The following GRB10 variants were observed in gnomAD, a reference collection of about 807,000 sequenced individuals.
The protein encoded by GRB10 is growth factor receptor-bound protein 10.
In GRB10, 20 loss-of-function variants were observed where a neutral mutation model predicts 80.9. The observed-to-expected ratio is 0.25, with a 90% CI of 0.17 to 0.36. The LOEUF (loss-of-function observed/expected upper bound fraction) is 0.36. Ranked by LOEUF, GRB10 falls within the 10% of genes least tolerant of loss-of-function variation. The probability of loss-of-function intolerance (pLI) is 1.00; values close to 1 mark genes in which losing one functional copy is unlikely to be tolerated. For synonymous variants in GRB10, 291 were observed against 291.5 expected (o/e 1.00, Z 0.02); for missense variants, 548 against 747.7 (o/e 0.73, Z 3.12).
rs955998315 is a variant in GRB10, at chr7:50,781,479, T to G, written c.-326-743A>C. ...AGACTCCAGGCAGCACCCGAGGCCC[T>G]GGCCGCCAGCACGTCATAATCCCTG... On this transcript the variant is annotated intron_variant, in intron 1 of 18. Transcript: ENST00000401949. 7.9e-5 allele frequency: 12 copies of G among 152,294 alleles called. No individual in the cohort carries two copies. The East Asian group carries it at 2.3e-3, about 29-fold the overall frequency. 9.4% of individuals were successfully genotyped at this position (152,294 alleles called of 1,614,324 possible).
Position 50,626,884 on chromosome 7 carries a change from T to C in GRB10, c.599A>G (p.Lys200Arg), listed in dbSNP as rs200039264. The C allele has an allele frequency of 1.4e-4, 218 of 1,614,174 alleles. No homozygotes were observed. In the African/African-American group the frequency reaches 2.5e-3, roughly 18 times the overall value. The change falls in exon 8 of 19, where the codon AAA (lysine) becomes AGA (arginine). Residue 200 changes from lysine to arginine, a missense_variant. Physicochemically the swap from Lys to Arg is conservative, Grantham distance 26. Transcript: ENST00000401949. The stretch of plus-strand genomic sequence containing the variant: ...GCTGTTGTCATCCACACAGTGACTT[T>C]TGTAAACCAGCAATTGGCACAGGTC... ...ARDLCQLLVY[K>R]SHCVDDNSWT... is the part of the protein sequence containing the mutation.
At chr7:50,670,381 C>T (rs1454186452) in intron 6 of GRB10, among the ~76,000 whole-genome samples, 1 of 151,892 alleles carries the variant, frequency 6.6e-6, no homozygotes, top group African/African-American at 2.4e-5. Context: ...TTAATACTAC[C>T]GAACTGTACC....
At chr7:50,745,385 C>G (rs1452380405) in intron 3 of GRB10, among the ~76,000 whole-genome samples, 1 of 152,176 alleles carries the variant, frequency 6.6e-6, no homozygotes, top group Non-Finnish European at 1.5e-5. Context: ...TTACCGAATG[C>G]CTTTGGGTGT....
At chr7:50,605,052 C>T (rs2048288845) in intron 15 of GRB10, 1 of 563,572 alleles carries the variant, frequency 1.8e-6, no homozygotes, top group South Asian at 2.1e-5. Context: ...GAACTCTGTT[C>T]CTCTCCTGTC....
chr7:50,729,280 C>G (rs1299433723), intron 4 of GRB10: 1 of 152,204 alleles, frequency 6.6e-6, no homozygotes, highest in Non-Finnish European at 1.5e-5. Flanking sequence ...GGAAATTCAA[C>G]AGTAAATTTA....
chr7:50,703,431 A>G (rs2153667915), intron 5 of GRB10, among the ~76,000 whole-genome samples: 1 of 152,348 alleles, frequency 6.6e-6, no homozygotes, highest in South Asian at 2.1e-4. Context: ...GAAGGAACAG[A>G]ATCACAGAAA....
rs1481784866 is a variant in GRB10 at position 50,592,836 on chromosome 7, C to T, written c.*116G>A. On this transcript the variant is annotated 3_prime_UTR_variant, in exon 19 of 19. Transcript: ENST00000401949. ...TTGGTCGGCTGGCACCGAACAAACC[C>T]ATCTCGCTCTGGGTCCCCAGGTGCA... 1 of 1,196,866 alleles carries T rather than the reference C, an allele frequency of 8.4e-7. No homozygotes were observed. 74.1% of individuals were successfully genotyped at this position (1,196,866 alleles called of 1,614,324 possible).
rs11385458 is a variant in GRB10 at position 50,714,662 on chromosome 7, C to CAA, written c.52-10756_52-10755dup. On this transcript the variant is annotated intron_variant, in intron 4 of 18. Transcript: ENST00000401949. ...TGGGCTACATAGCGAGACTCTGTCT[C>CAA]AAAAAAAAAAACAAAAAACGGAGTG... Among the ~76,000 whole-genome samples the CAA allele has an allele frequency of 2.4e-3, 354 of 147,246 alleles. 1 individual carries two copies. The highest frequency in any genetic ancestry group is 3.0e-3 in the Admixed American group (45 of 14,912).
intron 7 of GRB10, among the ~76,000 whole-genome samples, chr7:50,655,193 C>T (rs1203167253): frequency 1.3e-5 from 2 of 152,184 alleles, no homozygotes; most frequent in East Asian, 3.9e-4. Context: ...GCTGTGTCCC[C>T]CTGGGTGCCA....
At position 50,759,192 on chromosome 7, in the gene GRB10, CA is replaced by C. The variant is rs57526722; in HGVS notation, c.-216-3137del. On this transcript the variant is annotated intron_variant, in intron 2 of 18. Transcript: ENST00000401949. ...TGGGTGACAGAGTGAGACTCTGCCT[CA>C]AAAAAAAAAAAAAAAAGAAAAGAAA... is the stretch of plus-strand genomic sequence containing the variant. Among the ~76,000 whole-genome samples, 86 of 113,576 alleles carry C rather than the reference CA, an allele frequency of 7.6e-4. 1 individual carries two copies. The highest frequency in any genetic ancestry group is 1.4e-3 in the Admixed American group (15 of 10,510). The allele number at this position is 113,576 out of a possible 152,430, so 74.5% of individuals were successfully genotyped here.
rs769297711 is a variant in GRB10 at position 50,593,104 on chromosome 7, G to A, written c.1639-6C>T. 3 of 1,614,122 alleles carry A rather than the reference G, an allele frequency of 1.9e-6. No individual in the cohort carries two copies. The highest frequency in any genetic ancestry group is 2.5e-6 in the Non-Finnish European group (3 of 1,180,030). ...GTCTGCCCGTCGTCCTCGCACTGGA[G>A]AGACACAAGAACACTTGCCAGGTTA... On this transcript the variant is annotated splice_region_variant and splice_polypyrimidine_tract_variant and intron_variant, in intron 18 of 18. Transcript: ENST00000401949.
chr7:50,640,969 C>T (rs1427180689), intron 7 of GRB10, among the ~76,000 whole-genome samples: 1 of 152,130 alleles, frequency 6.6e-6, no homozygotes, highest in Non-Finnish European at 1.5e-5. Flanking sequence ...GTGCCTGGAG[C>T]CTCAGTTTTT....
chr7:50,610,714 G>A (rs112531904), intron 13 of GRB10, among the ~76,000 whole-genome samples: 24 of 152,148 alleles, frequency 1.6e-4, no homozygotes, highest in Non-Finnish European at 3.1e-4. Context: ...GTCACAAACA[G>A]TAAAGTGATA....
intron 2 of GRB10, among the ~76,000 whole-genome samples, chr7:50,766,636 T>C (rs1167228933): frequency 1.3e-5 from 2 of 152,150 alleles, no homozygotes; most frequent in South Asian, 2.1e-4. Flanking sequence ...GCACAGTTGA[T>C]AAAGATCTCT....
intron 13 of GRB10, chr7:50,606,937 T>A: frequency 2.6e-4 from 44 of 172,316 alleles, no homozygotes; most frequent in South Asian, 1.1e-3. Flanking sequence ...TTCTCTGTTC[T>A]TGGGCGCACT....
chr7:50,672,164 G>T (rs1330480822), intron 6 of GRB10, among the ~76,000 whole-genome samples: 1 of 152,112 alleles, frequency 6.6e-6, no homozygotes, highest in African/African-American at 2.4e-5. Context: ...TACCCTGCCT[G>T]CCCCCCAGCT....
intron 2 of GRB10, among the ~76,000 whole-genome samples, chr7:50,775,418 T>C (rs895577326): frequency 2.0e-5 from 3 of 152,156 alleles, no homozygotes; most frequent in African/African-American, 4.8e-5. Context: ...ACAGCCCTCA[T>C]AGCAGCTCTC....
At chr7:50,745,515 C>T (rs534057632) in intron 3 of GRB10, among the ~76,000 whole-genome samples, 5 of 152,286 alleles carry the variant, frequency 3.3e-5, no homozygotes, top group Admixed American at 2.6e-4. Context: ...CCAACTATAA[C>T]CCCCACTGGT....
At chr7:50,761,460 G>A (rs2153705367) in intron 2 of GRB10, among the ~76,000 whole-genome samples, 1 of 152,240 alleles carries the variant, frequency 6.6e-6, no homozygotes, top group South Asian at 2.1e-4. Flanking sequence ...AGATTTTAGT[G>A]GTGAGGTATA....
Sources: allele counts gnomAD v4.1 joint callset (sites outside exome capture counted in the v4.1 genomes callset), GRCh38; gene constraint gnomAD v4.1.1; transcripts MANE v1.5; gene names NCBI Gene and HGNC (gene_info 2026-07-23, HGNC 2026-07-21).